Variants in LEMD3 observed in about 807,000 individuals in gnomAD.
LEMD3 encodes the protein LEM domain containing 3, also known as inner nuclear membrane protein Man1.
Under a neutral mutation model 95.2 loss-of-function variants are expected in LEMD3, and 33 were observed. The ratio of observed to expected loss-of-function variants is 0.35; its 90% CI spans 0.26 to 0.46. The LOEUF (loss-of-function observed/expected upper bound fraction) is 0.46, where lower values mean the gene tolerates loss of function less well. Ranked by LOEUF, LEMD3 falls within the 20% of genes least tolerant of loss-of-function variation. The probability of loss-of-function intolerance (pLI) is 1.00; values close to 1 mark genes in which losing one functional copy is unlikely to be tolerated. For missense variants in LEMD3, 1,210 were observed against 1,192.8 expected (o/e 1.01, Z -0.21); for synonymous variants, 525 against 474.6 (o/e 1.11, Z -1.38).
At chr12:65,182,381 A>T (rs575529013) in intron 1 of LEMD3, among the ~76,000 whole-genome samples, 30 of 152,278 alleles carry the variant, frequency 2.0e-4, no homozygotes, top group Admixed American at 5.2e-4. Flanking sequence ...GGAGTGATAT[A>T]TAACTGTAAT....
chr12:65,185,753 A>G (rs1460427702), intron 1 of LEMD3, among the ~76,000 whole-genome samples: 1 of 151,800 alleles, frequency 6.6e-6, no homozygotes, highest in Non-Finnish European at 1.5e-5. Context: ...TAGTGTTGAA[A>G]TGACTGACTG....
At position 65,241,162 on chromosome 12, in the gene LEMD3, A is replaced by AG. The variant is rs1276603729; in HGVS notation, c.2305+76dup. On this transcript the variant is annotated intron_variant, in intron 9 of 12. Coordinates refer to ENST00000308330, the MANE Select transcript of LEMD3 (RefSeq NM_014319.5). ...ATGACAAATATGTGTTAAGTGAAAC[A>AG]GTACAATTCAAAGATGTATGAAGGC... 28 of 1,291,442 alleles carry AG rather than the reference A, an allele frequency of 2.2e-5. No individual in the cohort carries two copies. The African/African-American group carries it at 3.8e-4, about 18-fold the overall frequency. The allele number at this position is 1,291,442 out of a possible 1,614,324, so 80.0% of individuals were successfully genotyped here. A position where few individuals can be genotyped will look rare whatever the true frequency, so the allele number is the denominator to read the frequency against.
At chr12:65,213,198 A>G (rs538083004) in intron 2 of LEMD3, among the ~76,000 whole-genome samples, 19 of 152,236 alleles carry the variant, frequency 1.2e-4, no homozygotes, top group African/African-American at 3.9e-4. Flanking sequence ...CCCTTCTAGT[A>G]TATAGACGGT....
intron 10 of LEMD3, chr12:65,245,295 TA>T: frequency 5.4e-6 from 1 of 184,212 alleles, no homozygotes; most frequent in South Asian, 8.1e-5. Flanking sequence ...CACGCCTGGC[TA>T]ATTTTTTTTT....
intron 2 of LEMD3, among the ~76,000 whole-genome samples, chr12:65,215,768 C>T (rs1870088474): frequency 6.6e-6 from 1 of 151,892 alleles, no homozygotes; most frequent in African/African-American, 2.4e-5. Flanking sequence ...AATCGTTCTC[C>T]AGAAAGTGAA....
At position 65,198,668 on chromosome 12, in the gene LEMD3, G is replaced by A. The variant is rs141179770; in HGVS notation, c.1523-12258G>A. Among the ~76,000 whole-genome samples the A allele has an allele frequency of 9.8e-3, 1,493 of 152,124 alleles. 33 individuals carry two copies. Among genetic ancestry groups the A allele is most frequent in the African/African-American group, 0.034 (1,422 of 41,508 alleles). On this transcript the variant is annotated intron_variant, in intron 1 of 12. Transcript: ENST00000308330. ...ATGCTCAAGTCCCTCATATAAAATT[G>A]TGTAGAATTTGCATATAACCCATGC...
chr12:65,189,669 A>G (rs1174943624), intron 1 of LEMD3, among the ~76,000 whole-genome samples: 1 of 152,210 alleles, frequency 6.6e-6, no homozygotes, highest in Non-Finnish European at 1.5e-5. Flanking sequence ...TCCCATTTCT[A>G]TCAAAGATAA....
intron 2 of LEMD3, among the ~76,000 whole-genome samples, chr12:65,213,295 G>A (rs767615505): frequency 1.3e-5 from 2 of 152,000 alleles, no homozygotes; most frequent in Admixed American, 6.6e-5. Flanking sequence ...GCATGATCAC[G>A]ACTCACTGCA....
Position 65,195,945 on chromosome 12 carries a change from C to G in LEMD3, c.1523-14981C>G, listed in dbSNP as rs867771457. Among the ~76,000 whole-genome samples the G allele has an allele frequency of 2.6e-5, 4 of 152,020 alleles. No homozygotes were observed. The South Asian group carries it at 8.3e-4, about 32-fold the overall frequency. On this transcript the variant is annotated intron_variant, in intron 1 of 12. Transcript: ENST00000308330. The stretch of plus-strand genomic sequence containing the variant: ...AATTTGGCTAGAAGGATCAAGAAGT[C>G]CTGGATCTTGTCCTCCAATGAGAAT...
intron 1 of LEMD3, among the ~76,000 whole-genome samples, chr12:65,195,320 C>T (rs1013814583): frequency 1.3e-5 from 2 of 151,862 alleles, no homozygotes; most frequent in African/African-American, 2.4e-5. Flanking sequence ...AATATATAGG[C>T]AGATATAAAC....
At chr12:65,188,038 C>G (rs1869119634) in intron 1 of LEMD3, among the ~76,000 whole-genome samples, 1 of 152,022 alleles carries the variant, frequency 6.6e-6, no homozygotes, top group Non-Finnish European at 1.5e-5. Flanking sequence ...GTCCAGAAAA[C>G]TGTTTTCTGG....
chr12:65,239,671 T>TTA (rs1419555684), intron 6 of LEMD3, among the ~76,000 whole-genome samples: 2 of 151,932 alleles, frequency 1.3e-5, no homozygotes, highest in East Asian at 3.8e-4. Flanking sequence ...TGAAACATAG[T>TTA]TATATATATA....
intron 4 of LEMD3, among the ~76,000 whole-genome samples, chr12:65,230,787 A>C (rs1417111136): frequency 6.6e-6 from 1 of 152,096 alleles, no homozygotes; most frequent in African/African-American, 2.4e-5. Context: ...TTCTAATACT[A>C]TGTTAAATAA....
intron 3 of LEMD3, 47 bp downstream of exon 3, chr12:65,216,090 T>C (rs940413969): frequency 2.7e-6 from 3 of 1,127,838 alleles, no homozygotes; most frequent in Non-Finnish European, 4.0e-6. Flanking sequence ...TTGAAAAATG[T>C]ATGTAGCATG....
chr12:65,175,042 G>C (rs911674000), intron 1 of LEMD3, among the ~76,000 whole-genome samples: 1 of 152,124 alleles, frequency 6.6e-6, no homozygotes, highest in Non-Finnish European at 1.5e-5. Flanking sequence ...GCAAAAACAG[G>C]CTTGTGTGTT....
intron 8 of LEMD3, 66 bp downstream of exon 8, chr12:65,240,304 A>C: frequency 8.5e-7 from 1 of 1,182,842 alleles, no homozygotes; most frequent in Non-Finnish European, 1.3e-6. Context: ...AGTATTGAAA[A>C]TTATATTGAG....
At chr12:65,196,988 C>T (rs1162052668) in intron 1 of LEMD3, among the ~76,000 whole-genome samples, 1 of 152,146 alleles carries the variant, frequency 6.6e-6, no homozygotes, top group Non-Finnish European at 1.5e-5. Flanking sequence ...GAGAGTTCTG[C>T]TCTGAAGCAT....
chr12:65,242,167 C>A (rs1057228660), intron 9 of LEMD3, among the ~76,000 whole-genome samples: 13 of 152,156 alleles, frequency 8.5e-5, no homozygotes, highest in African/African-American at 3.1e-4. Context: ...TTTGACAGTT[C>A]AGCCCTCCTT....
chr12:65,201,343 G>A (rs1371154301), intron 1 of LEMD3, among the ~76,000 whole-genome samples: 2 of 152,072 alleles, frequency 1.3e-5, no homozygotes, highest in Non-Finnish European at 2.9e-5. Context: ...TAATCTGCTG[G>A]GATTTTGATT....
Sources: gnomAD v4.1 joint callset for allele counts (sites outside exome capture counted in the v4.1 genomes callset) on GRCh38, gnomAD v4.1.1 for gene constraint, MANE v1.5 for transcripts, NCBI Gene and HGNC (gene_info 2026-07-23, HGNC 2026-07-21) for gene names.